The following MYO16 variants were observed in gnomAD, a reference collection of about 807,000 sequenced individuals.
MYO16 encodes the protein unconventional myosin-XVI.
A neutral mutation model predicts 205.3 loss-of-function variants in MYO16; 94 were observed. The ratio of observed to expected loss-of-function variants is 0.46; its 90% CI spans 0.39 to 0.54. The LOEUF is 0.54. Ranked by LOEUF, MYO16 falls within the 20% of genes least tolerant of loss-of-function variation. The probability of loss-of-function intolerance (pLI) is 0.00; values close to 1 mark genes in which losing one functional copy is unlikely to be tolerated. For missense variants in MYO16, 2,315 were observed against 2,387.5 expected (o/e 0.97, Z 0.63); for synonymous variants, 988 against 954.0 (o/e 1.04, Z -0.66).
At chr13:108,650,889 T>C (rs1490990398) in intron 1 of MYO16, among the ~76,000 whole-genome samples, 1 of 152,160 alleles carries the variant, frequency 6.6e-6, no homozygotes, top group Non-Finnish European at 1.5e-5. Context: ...GCAGTTCTGA[T>C]CTTAAAGGGC....
At position 109,176,577 on chromosome 13, in the gene MYO16, T is replaced by TAAAAAAAAAAAAAAAAAAAAAAAAAAAA. The variant is rs36054088; in HGVS notation, c.5324-2941_5324-2940insAAAAAAAAAAAAAAAAAAAAAAAAAAAA. The stretch of plus-strand genomic sequence containing the variant: ...GCAGCTAAATAAAATATTGTGCTGG[T>TAAAAAAAAAAAAAAAAAAAAAAAAAAAA]AAAAAAAAAAAAAAAAAAAAAAAAG... On this transcript the variant is annotated intron_variant, in intron 33 of 34. Transcript: ENST00000457511. Among the ~76,000 whole-genome samples, 13 of 44,944 alleles carry TAAAAAAAAAAAAAAAAAAAAAAAAAAAA rather than the reference T, an allele frequency of 2.9e-4. 3 individuals are homozygous for TAAAAAAAAAAAAAAAAAAAAAAAAAAAA. The highest frequency in any genetic ancestry group is 3.1e-3 in the East Asian group (2 of 636). 29.5% of individuals were successfully genotyped at this position (44,944 alleles called of 152,430 possible).
intron 27 of MYO16, among the ~76,000 whole-genome samples, chr13:109,057,327 G>C (rs903699873): frequency 6.6e-6 from 1 of 152,110 alleles, no homozygotes; most frequent in Non-Finnish European, 1.5e-5. Flanking sequence ...AACCACATGG[G>C]GATGGATGTA....
intron 9 of MYO16, among the ~76,000 whole-genome samples, chr13:108,825,701 AT>A (rs1876224873): frequency 1.3e-5 from 2 of 152,120 alleles, no homozygotes; most frequent in South Asian, 2.1e-4. Flanking sequence ...ATTTACAAAA[AT>A]ATCTTATTTG....
At chr13:109,186,208 A>G (rs1879679949) in intron 34 of MYO16, among the ~76,000 whole-genome samples, 1 of 152,204 alleles carries the variant, frequency 6.6e-6, no homozygotes, top group African/African-American at 2.4e-5. Flanking sequence ...AGGTATCGAT[A>G]CAATAAGAAA....
At chr13:108,635,958 A>T (rs985289312) in intron 1 of MYO16, among the ~76,000 whole-genome samples, 7 of 151,956 alleles carry the variant, frequency 4.6e-5, no homozygotes, top group Non-Finnish European at 8.8e-5. Context: ...AGTTTTCTAC[A>T]TCTTAATCTA....
intron 20 of MYO16, among the ~76,000 whole-genome samples, chr13:108,969,953 C>T (rs1458068675): frequency 6.6e-6 from 1 of 152,132 alleles, no homozygotes; most frequent in Non-Finnish European, 1.5e-5. Context: ...ACTGAAGAAA[C>T]CCTTTTCCAT....
intron 27 of MYO16, among the ~76,000 whole-genome samples, chr13:109,100,348 C>T (rs943799227): frequency 2.6e-5 from 4 of 152,122 alleles, no homozygotes; most frequent in Admixed American, 6.5e-5. Flanking sequence ...TCTGAATGGA[C>T]GTTTTGGTAT....
intron 6 of MYO16, among the ~76,000 whole-genome samples, chr13:108,795,500 G>C (rs573239558): frequency 6.6e-6 from 1 of 152,056 alleles, no homozygotes; most frequent in African/African-American, 2.4e-5. Context: ...GAGTTACCGC[G>C]CCTGGCCAGC....
At chr13:108,976,653 G>A (rs578094605) in intron 20 of MYO16, among the ~76,000 whole-genome samples, 23 of 152,160 alleles carry the variant, frequency 1.5e-4, no homozygotes, top group East Asian at 7.7e-4. Context: ...TACTTAATTC[G>A]TAATAAATGA....
chr13:108,934,335 C>T (rs1410092155), intron 16 of MYO16, among the ~76,000 whole-genome samples: 1 of 152,128 alleles, frequency 6.6e-6, no homozygotes, highest in Non-Finnish European at 1.5e-5. Flanking sequence ...TTACATTTCT[C>T]TGATGATTAA....
chr13:108,839,084 T>A (rs1343050576), intron 9 of MYO16, among the ~76,000 whole-genome samples: 1 of 152,060 alleles, frequency 6.6e-6, no homozygotes, highest in Admixed American at 6.6e-5. Context: ...AGGGATGACA[T>A]CTCATGAGTG....
intron 4 of MYO16, among the ~76,000 whole-genome samples, chr13:108,769,505 G>T (rs529250942): frequency 2.0e-5 from 3 of 152,292 alleles, no homozygotes; most frequent in East Asian, 3.9e-4. Flanking sequence ...TTGACTGAGA[G>T]GGGGAGGCAA....
At chr13:109,036,988 T>C (rs1270465771) in intron 23 of MYO16, among the ~76,000 whole-genome samples, 2 of 152,174 alleles carry the variant, frequency 1.3e-5, no homozygotes, top group Non-Finnish European at 2.9e-5. Context: ...AAATCTTCTC[T>C]CTGCTGCTCC....
chr13:108,862,244 A>G (rs74119676), intron 11 of MYO16, among the ~76,000 whole-genome samples: 3,263 of 152,246 alleles, frequency 0.021, 196 homozygotes, highest in East Asian at 0.21. Flanking sequence ...AAAATCCTGA[A>G]AGCTGAATTC....
intron 16 of MYO16, among the ~76,000 whole-genome samples, chr13:108,940,253 T>C (rs576406852): frequency 2.6e-5 from 4 of 152,252 alleles, no homozygotes; most frequent in African/African-American, 9.6e-5. Context: ...CCCTGGGAGA[T>C]AAGATAAAAT....
At chr13:108,732,788 T>C (rs1283936208) in intron 4 of MYO16, among the ~76,000 whole-genome samples, 1 of 152,184 alleles carries the variant, frequency 6.6e-6, no homozygotes, top group Non-Finnish European at 1.5e-5. Flanking sequence ...TTTAGGTATC[T>C]ATTGTCCAGA....
At chr13:109,042,164 C>G (rs989880532) in intron 23 of MYO16, among the ~76,000 whole-genome samples, 1 of 152,132 alleles carries the variant, frequency 6.6e-6, no homozygotes, top group African/African-American at 2.4e-5. Flanking sequence ...GGGCTGGGCC[C>G]TCAAATTGCC....
the MYO16 span, among the ~76,000 whole-genome samples, chr13:108,544,609 T>C: frequency 1.3e-5 from 2 of 152,214 alleles, no homozygotes; most frequent in African/African-American, 4.8e-5. Flanking sequence ...TAACTTTCTA[T>C]ACCTATATAA....
intron 20 of MYO16, among the ~76,000 whole-genome samples, chr13:108,977,355 A>G (rs1257045394): frequency 6.6e-6 from 1 of 152,122 alleles, no homozygotes; most frequent in Admixed American, 6.6e-5. Flanking sequence ...CTCTTGAGAT[A>G]TATGTTTAGA....
Sources: gnomAD v4.1 joint callset for allele counts (sites outside exome capture counted in the v4.1 genomes callset) on GRCh38, gnomAD v4.1.1 for gene constraint, MANE v1.5 for transcripts, NCBI Gene and HGNC (gene_info 2026-07-23, HGNC 2026-07-21) for gene names.